ADAMTS18: variants seen among roughly 807,000 people sequenced by gnomAD.
The protein encoded by ADAMTS18 is ADAM metallopeptidase with thrombospondin type 1 motif 18, also known as A disintegrin and metalloproteinase with thrombospondin motifs 18.
In ADAMTS18, 157 loss-of-function variants were observed where a neutral mutation model predicts 165.9. That is an observed-to-expected ratio of 0.95 (90% CI 0.83 to 1.08). The LOEUF (loss-of-function observed/expected upper bound fraction) is 1.08. ADAMTS18 is among the 50% of genes least tolerant of loss of function. ADAMTS18 has a pLI of 0.00. For missense variants in ADAMTS18, 2,040 were observed against 1,534.0 expected (o/e 1.33, Z -5.51); for synonymous variants, 782 against 578.2 (o/e 1.35, Z -5.06).
chr16:77,347,683 A>G (rs1396780145), intron 10 of ADAMTS18, among the ~76,000 whole-genome samples: 4 of 151,856 alleles, frequency 2.6e-5, no homozygotes, highest in African/African-American at 9.7e-5. Flanking sequence ...GACTATGTGT[A>G]TGTCTCCTTC....
At position 77,434,673 on chromosome 16, in the gene ADAMTS18, G is replaced by A. The variant is rs1597272372; in HGVS notation, c.23C>T (p.Ala8Val). 1.4e-6 allele frequency: 2 copies of A among 1,478,484 alleles called. No homozygotes were observed. The highest frequency in any genetic ancestry group is 8.9e-7 in the Non-Finnish European group (1 of 1,121,412). The allele number at this position is 1,478,484 out of a possible 1,614,324, so 91.6% of individuals were successfully genotyped here. MECALLL[A>V]CAFPAAGSGP... ...CGAACCCGCAGCCGGGAAGGCACAC[G>A]CGAGCAGGAGGGCGCACTCCATGGT... Residue 8 changes from alanine (A) to valine (V), a missense_variant, in exon 1 of 23, where the codon GCG becomes GTG. Ala to Val is a moderately conservative substitution (Grantham distance 64, BLOSUM62 0). Coordinates refer to ENST00000282849, the MANE Select transcript of ADAMTS18 (RefSeq NM_199355.4).
At chr16:77,329,429 C>T (rs2056151157) in intron 12 of ADAMTS18, among the ~76,000 whole-genome samples, 1 of 152,188 alleles carries the variant, frequency 6.6e-6, no homozygotes, top group Non-Finnish European at 1.5e-5. Flanking sequence ...ACAGTATTCT[C>T]TGCCTCCTCC....
chr16:77,429,306 G>T (rs149573900), intron 3 of ADAMTS18, among the ~76,000 whole-genome samples: 132 of 152,272 alleles, frequency 8.7e-4, no homozygotes, highest in Admixed American at 2.7e-3. Flanking sequence ...GGAGAGCAAG[G>T]CTATTATCAT....
chr16:77,387,900 A>C (rs2057131485), intron 3 of ADAMTS18, among the ~76,000 whole-genome samples: 1 of 152,178 alleles, frequency 6.6e-6, no homozygotes, highest in Non-Finnish European at 1.5e-5. Flanking sequence ...TGAAGCTGGA[A>C]TGAGAAAGAT....
intron 15 of ADAMTS18, among the ~76,000 whole-genome samples, chr16:77,320,785 A>C (rs1253816675): frequency 6.6e-6 from 1 of 152,260 alleles, no homozygotes; most frequent in African/African-American, 2.4e-5. Context: ...TAGAGATCAC[A>C]TAAGTTTCAC....
intron 3 of ADAMTS18, among the ~76,000 whole-genome samples, chr16:77,400,489 T>TG (rs1567541818): frequency 5.4e-5 from 8 of 148,092 alleles, no homozygotes; most frequent in South Asian, 2.1e-4. Context: ...TGTTTTGTTT[T>TG]TTTTTTTTTT....
At chr16:77,320,807 G>A (rs984912039) in intron 15 of ADAMTS18, among the ~76,000 whole-genome samples, 2 of 152,162 alleles carry the variant, frequency 1.3e-5, no homozygotes, top group African/African-American at 4.8e-5. Flanking sequence ...ATGTTTCTTT[G>A]CTTAACAAAT....
intron 3 of ADAMTS18, among the ~76,000 whole-genome samples, chr16:77,405,620 A>G (rs540768575): frequency 1.4e-4 from 22 of 152,332 alleles, no homozygotes; most frequent in Non-Finnish European, 7.4e-5. Context: ...GGACTTTCCT[A>G]ACAAAATACC....
intron 21 of ADAMTS18, among the ~76,000 whole-genome samples, chr16:77,290,036 T>C (rs2144560841): frequency 6.6e-6 from 1 of 152,340 alleles, no homozygotes; most frequent in East Asian, 1.9e-4. Context: ...GGGAAAAATG[T>C]AGCCCTTTAA....
intron 3 of ADAMTS18, among the ~76,000 whole-genome samples, chr16:77,400,391 T>C (rs1396961401): frequency 6.7e-6 from 1 of 150,308 alleles, no homozygotes; most frequent in African/African-American, 2.5e-5. Flanking sequence ...TAATGGAGGG[T>C]AGAACCCAGT....
intron 18 of ADAMTS18, among the ~76,000 whole-genome samples, chr16:77,295,358 T>G (rs1437900568): frequency 6.6e-6 from 1 of 152,228 alleles, no homozygotes; most frequent in Non-Finnish European, 1.5e-5. Context: ...CTCCCGCCTC[T>G]GCATGAGAAG....
chr16:77,297,978 G>A (rs1489034836), intron 17 of ADAMTS18, among the ~76,000 whole-genome samples: 2 of 130,594 alleles, frequency 1.5e-5, no homozygotes, highest in Admixed American at 8.8e-5. Context: ...AGGCTGGAGT[G>A]CAGTGGCGTG....
In ADAMTS18 at chr16:77,434,738, AGGCGGAGCGCACG is replaced by A. The variant is rs1324368628; in HGVS notation, c.-56_-44del. The A allele has an allele frequency of 5.0e-6, 7 of 1,387,074 alleles. No homozygotes were observed. In the South Asian group the frequency reaches 9.2e-5, roughly 18 times the overall value. The allele number at this position is 1,387,074 out of a possible 1,614,324, so 85.9% of individuals were successfully genotyped here. A position where few individuals can be genotyped will look rare whatever the true frequency, so the allele number is the denominator to read the frequency against. On this transcript the variant is annotated 5_prime_UTR_variant, in exon 1 of 23. The change abolishes the stop of an existing upstream ORF in the 5' untranslated region. Transcript: ENST00000282849. Reference sequence around the variant, plus strand: ...GCGGCTGCGGGTGGCCAGACGCGGCAGGCGGAGCGCACGGGCGGCGCGCATTCTTTCCGCGGCC... The same window carrying A: ...GCGGCTGCGGGTGGCCAGACGCGGCAGGCGGCGCGCATTCTTTCCGCGGCC...
chr16:77,320,161 C>G, intron 15 of ADAMTS18, 68 bp from the exon 16 acceptor site: 1 of 1,589,250 alleles, frequency 6.3e-7, no homozygotes, highest in Non-Finnish European at 8.6e-7. Context: ...CTAGAAATGG[C>G]CCGACATGTA....
intron 3 of ADAMTS18, among the ~76,000 whole-genome samples, chr16:77,404,952 T>C (rs1380776191): frequency 6.6e-6 from 1 of 152,124 alleles, no homozygotes; most frequent in East Asian, 1.9e-4. Context: ...AAAAGGATGT[T>C]TGAACAGTGT....
At chr16:77,300,894 T>C (rs11649209) in intron 16 of ADAMTS18, among the ~76,000 whole-genome samples, 52,413 of 151,998 alleles carry the variant, frequency 0.34, 11,143 homozygotes, top group Non-Finnish European at 0.48. Flanking sequence ...CTAGTGGAAG[T>C]TGAAACAAGG....
At chr16:77,332,562 G>C (rs535124069) in intron 12 of ADAMTS18, among the ~76,000 whole-genome samples, 1 of 152,276 alleles carries the variant, frequency 6.6e-6, no homozygotes, top group Non-Finnish European at 1.5e-5. Flanking sequence ...CAAAGCCACA[G>C]AGTTTAGAAG....
At chr16:77,293,683 G>A (rs1342624240) in intron 19 of ADAMTS18, among the ~76,000 whole-genome samples, 1 of 151,122 alleles carries the variant, frequency 6.6e-6, no homozygotes, top group East Asian at 2.0e-4. Context: ...GTATTTCCAT[G>A]GACGGGCAGG....
chr16:77,284,804 A>G (rs2055216758), intron 22 of ADAMTS18, among the ~76,000 whole-genome samples: 1 of 152,068 alleles, frequency 6.6e-6, no homozygotes, highest in South Asian at 2.1e-4. Flanking sequence ...CTGATTGAGA[A>G]GGGCTGTCAG....
Sources: gnomAD v4.1 joint callset for allele counts (sites outside exome capture counted in the v4.1 genomes callset) on GRCh38, gnomAD v4.1.1 for gene constraint, MANE v1.5 for transcripts, NCBI Gene and HGNC (gene_info 2026-07-23, HGNC 2026-07-21) for gene names.